ERC2: variants seen among roughly 807,000 people sequenced by gnomAD.
ERC2 encodes ERC protein 2.
Under a neutral mutation model 114.8 loss-of-function variants are expected in ERC2, and 42 were observed. The observed-to-expected ratio is 0.37, with a 90% CI of 0.29 to 0.47. ERC2 has a LOEUF of 0.47. ERC2 is among the 20% of genes least tolerant of loss of function. The pLI, the probability that ERC2 is intolerant of heterozygous loss-of-function variation, is 0.99. For synonymous variants in ERC2, 454 were observed against 425.5 expected, an observed-to-expected ratio of 1.07 and a Z score of -0.82; for missense variants, 939 against 1,150.7, an observed-to-expected ratio of 0.82 and a Z score of 2.66.
chr3:56,079,028 A>AT, intron 7 of ERC2, among the ~76,000 whole-genome samples: 1 of 152,210 alleles, frequency 6.6e-6, no homozygotes, highest in Non-Finnish European at 1.5e-5. Context: ...ACAAAGCACT[A>AT]TTTGAACAGA....
chr3:56,423,682 C>G (rs1273178236), intron 2 of ERC2, among the ~76,000 whole-genome samples: 2 of 152,192 alleles, frequency 1.3e-5, no homozygotes, highest in Non-Finnish European at 2.9e-5. Flanking sequence ...CAAGCACTGG[C>G]TTCACAGAGA....
At chr3:55,757,806 A>C (rs1247059798) in intron 14 of ERC2, among the ~76,000 whole-genome samples, 2 of 152,196 alleles carry the variant, frequency 1.3e-5, no homozygotes, top group African/African-American at 4.8e-5. Context: ...TTACAATTTA[A>C]GAAATGTAAT....
At chr3:55,870,776 C>T (rs1278761674) in intron 14 of ERC2, among the ~76,000 whole-genome samples, 11 of 152,308 alleles carry the variant, frequency 7.2e-5, no homozygotes, top group Admixed American at 2.6e-4. Context: ...GTTTCCATGA[C>T]GACATTTAAT....
At chr3:56,249,223 T>C (rs550863934) in intron 3 of ERC2, among the ~76,000 whole-genome samples, 1 of 152,216 alleles carries the variant, frequency 6.6e-6, no homozygotes, top group Admixed American at 6.5e-5. Context: ...TTTGAAAACA[T>C]TTAAGATGCA....
intron 13 of ERC2, among the ~76,000 whole-genome samples, chr3:55,949,932 A>G (rs534287467): frequency 6.6e-6 from 1 of 152,338 alleles, no homozygotes; most frequent in Admixed American, 6.5e-5. Context: ...AAAGATAACT[A>G]TATTCACAGA....
At chr3:56,339,066 T>C (rs2057979995) in intron 2 of ERC2, among the ~76,000 whole-genome samples, 1 of 152,270 alleles carries the variant, frequency 6.6e-6, no homozygotes, top group Non-Finnish European at 1.5e-5. Flanking sequence ...TTCTACAACT[T>C]AGCCTCAGTT....
rs564164146 is a variant in ERC2 at position 55,715,506 on chromosome 3, C to T, written c.2713-15994G>A. ...CTTGGTAATTATATAGAAGCTTGGA[C>T]ATTAAGGACCCAGACATAAAGGAGT... is the stretch of plus-strand genomic sequence containing the variant. On this transcript the variant is annotated intron_variant, in intron 15 of 17. Coordinates refer to ENST00000288221, the MANE Select transcript of ERC2 (RefSeq NM_015576.3). Among the ~76,000 whole-genome samples the T allele has an allele frequency of 3.7e-4, 57 of 152,238 alleles. 1 individual carries two copies. In the South Asian group the frequency reaches 0.012, roughly 32 times the overall value.
intron 6 of ERC2, among the ~76,000 whole-genome samples, chr3:56,106,827 T>C (rs1400152775): frequency 6.6e-6 from 1 of 152,160 alleles, no homozygotes; most frequent in African/African-American, 2.4e-5. Flanking sequence ...AAAGAGGATT[T>C]AGTGATTTAT....
intron 3 of ERC2, among the ~76,000 whole-genome samples, chr3:56,264,855 G>A (rs569081270): frequency 1.7e-4 from 25 of 147,812 alleles, no homozygotes; most frequent in Admixed American, 2.7e-4. Context: ...AAAATGATCC[G>A]ATTTACAATT....
chr3:55,909,239 G>C (rs1297355936), intron 13 of ERC2, among the ~76,000 whole-genome samples: 1 of 152,220 alleles, frequency 6.6e-6, no homozygotes, highest in Non-Finnish European at 1.5e-5. Context: ...AATGGCGTCT[G>C]AAATTATGTG....
chr3:56,095,715 T>C (rs775686603), intron 6 of ERC2, among the ~76,000 whole-genome samples: 109 of 152,202 alleles, frequency 7.2e-4, no homozygotes, highest in Non-Finnish European at 2.9e-4. Flanking sequence ...AAGAGAAATC[T>C]AGTTAGGCCC....
At chr3:55,980,528 C>A (rs1170921488) in intron 12 of ERC2, among the ~76,000 whole-genome samples, 1 of 152,090 alleles carries the variant, frequency 6.6e-6, no homozygotes, top group Non-Finnish European at 1.5e-5. Context: ...ATTCACATTT[C>A]ATAAGAAAAG....
intron 3 of ERC2, among the ~76,000 whole-genome samples, chr3:56,249,695 A>C (rs1053706137): frequency 1.3e-5 from 2 of 152,054 alleles, no homozygotes; most frequent in African/African-American, 4.8e-5. Context: ...TAGCATCTAC[A>C]CACTACAGGT....
chr3:56,240,008 C>A (rs1022030357), intron 3 of ERC2, among the ~76,000 whole-genome samples: 1 of 152,214 alleles, frequency 6.6e-6, no homozygotes, highest in African/African-American at 2.4e-5. Flanking sequence ...AAACCTTTTA[C>A]AAACCTTCCC....
rs567181660 is a variant in ERC2 at position 55,837,753 on chromosome 3, TA to T, written c.2564+50635del. 2.6e-4 allele frequency among the ~76,000 whole-genome samples: 39 copies of T among 149,140 alleles called. No individual in the cohort carries two copies. The South Asian group carries it at 6.4e-3, about 24-fold the overall frequency. On this transcript the variant is annotated intron_variant, in intron 14 of 17. Coordinates refer to ENST00000288221, the MANE Select transcript of ERC2 (RefSeq NM_015576.3). ...ATGTACCCTATAACTTAAAGTGTAATAAAAAAAAAGACAGAACCCGCCAGAG... is the reference window on the plus strand; with the variant it reads ...ATGTACCCTATAACTTAAAGTGTAATAAAAAAAAGACAGAACCCGCCAGAG...
intron 2 of ERC2, among the ~76,000 whole-genome samples, chr3:56,346,802 G>A (rs146757764): frequency 0.023 from 3,431 of 152,290 alleles, 42 homozygotes; most frequent in South Asian, 0.071. Flanking sequence ...CGTCCAATAT[G>A]TAGAGGCCAG....
At chr3:55,984,666 G>T (rs2070449540) in intron 12 of ERC2, among the ~76,000 whole-genome samples, 1 of 152,090 alleles carries the variant, frequency 6.6e-6, no homozygotes, top group Non-Finnish European at 1.5e-5. Context: ...AGTAAATTAA[G>T]AGTCATTAAA....
chr3:55,668,669 A>G (rs561886903), intron 17 of ERC2, among the ~76,000 whole-genome samples: 16 of 152,324 alleles, frequency 1.1e-4, no homozygotes, highest in African/African-American at 3.1e-4. Context: ...GCCACACCAC[A>G]CAGCTCTCAA....
At chr3:55,776,429 C>T (rs1455894155) in intron 14 of ERC2, among the ~76,000 whole-genome samples, 1 of 152,084 alleles carries the variant, frequency 6.6e-6, no homozygotes, top group Non-Finnish European at 1.5e-5. Flanking sequence ...AGGCTAACAC[C>T]ATTTCAGGGA....
Sources: gnomAD v4.1 joint callset for allele counts (sites outside exome capture counted in the v4.1 genomes callset) on GRCh38, gnomAD v4.1.1 for gene constraint, MANE v1.5 for transcripts, NCBI Gene and HGNC (gene_info 2026-07-23, HGNC 2026-07-21) for gene names.